ADAM12: variants seen among roughly 807,000 people sequenced by gnomAD.
The protein encoded by ADAM12 is disintegrin and metalloproteinase domain-containing protein 12.
In ADAM12, 70 loss-of-function variants were observed where a neutral mutation model predicts 106.4. That is an observed-to-expected ratio of 0.66 (90% CI 0.54 to 0.80). The LOEUF (loss-of-function observed/expected upper bound fraction) is 0.80. ADAM12 is among the 30% of genes least tolerant of loss of function. ADAM12 has a pLI of 0.00. For synonymous variants in ADAM12, 420 were observed against 433.5 expected (o/e 0.97, Z 0.39); for missense variants, 1,010 against 1,171.9 (o/e 0.86, Z 2.02).
At chr10:126,017,800 C>T (rs74731210) in intron 22 of ADAM12, among the ~76,000 whole-genome samples, 6,470 of 152,244 alleles carry the variant, frequency 0.042, 337 homozygotes, top group African/African-American at 0.12. Context: ...CTCCAGAGAA[C>T]AGGGAGCAAA....
At chr10:126,202,012 G>C (rs1345035615) in intron 3 of ADAM12, among the ~76,000 whole-genome samples, 3 of 152,212 alleles carry the variant, frequency 2.0e-5, no homozygotes, top group Admixed American at 6.5e-5. Context: ...CCAGTGGAAA[G>C]GCTCTGGGGC....
At chr10:126,367,741 G>C (rs1855961851) in intron 1 of ADAM12, among the ~76,000 whole-genome samples, 1 of 151,906 alleles carries the variant, frequency 6.6e-6, no homozygotes, top group African/African-American at 2.4e-5. Flanking sequence ...TAAGTGATAA[G>C]AAAATATTAT....
intron 1 of ADAM12, among the ~76,000 whole-genome samples, chr10:126,347,231 C>T (rs1057144160): frequency 5.3e-5 from 8 of 152,128 alleles, no homozygotes; most frequent in Non-Finnish European, 8.8e-5. Context: ...TGACAAAATC[C>T]CTCAGCATTT....
chr10:126,251,530 TGG>T (rs2133683259), intron 3 of ADAM12, among the ~76,000 whole-genome samples: 1 of 27,376 alleles, frequency 3.7e-5, no homozygotes, highest in South Asian at 1.6e-3. Flanking sequence ...ATGGACAGGA[TGG>T]ATAGATGGAT....
chr10:126,271,111 T>A (rs1156626461), intron 3 of ADAM12, among the ~76,000 whole-genome samples: 1 of 152,110 alleles, frequency 6.6e-6, no homozygotes, highest in Non-Finnish European at 1.5e-5. Context: ...TGAAACCCAA[T>A]ATTCAGCCCC....
chr10:126,292,813 A>G (rs1421751261), intron 2 of ADAM12, among the ~76,000 whole-genome samples: 2 of 152,242 alleles, frequency 1.3e-5, no homozygotes, highest in East Asian at 3.8e-4. Flanking sequence ...TTTATGTGTT[A>G]CGAAATATTC....
At chr10:126,349,698 T>C (rs372783754) in intron 1 of ADAM12, among the ~76,000 whole-genome samples, 7 of 152,194 alleles carry the variant, frequency 4.6e-5, no homozygotes, top group African/African-American at 1.4e-4. Context: ...AGGAAGCAAC[T>C]CCTATTTTGA....
rs552792418 is a variant in ADAM12, at chr10:126,072,250, C to T, written c.1146-596G>A. Among the ~76,000 whole-genome samples the T allele has an allele frequency of 1.2e-4, 18 of 152,168 alleles. No homozygotes were observed. In the East Asian group the frequency reaches 3.1e-3, roughly 26 times the overall value. On this transcript the variant is annotated intron_variant, in intron 11 of 22. Coordinates refer to ENST00000448723, the MANE Select transcript of ADAM12 (RefSeq NM_001288973.2). The stretch of plus-strand genomic sequence containing the variant: ...GTCTTACCCTTGTCTCTAAATTCCA[C>T]GGTGTGGCAGGGTCTAAACAACCGG...
At chr10:126,386,567 A>T (rs7082247) in intron 1 of ADAM12, among the ~76,000 whole-genome samples, 1,948 of 152,012 alleles carry the variant, frequency 0.013, 50 homozygotes, top group African/African-American at 0.045. Flanking sequence ...TTAAGGAAAC[A>T]CTCTCTCTAC....
rs551785138 is a variant in ADAM12 at position 126,082,383 on chromosome 10, T to A, written c.1146-10729A>T. Among the ~76,000 whole-genome samples the A allele has an allele frequency of 7.4e-3, 1,094 of 148,540 alleles. 16 individuals carry two copies. The highest frequency in any genetic ancestry group is 0.026 in the African/African-American group (1,022 of 39,888). On this transcript the variant is annotated intron_variant, in intron 11 of 22. Coordinates refer to ENST00000448723, the MANE Select transcript of ADAM12 (RefSeq NM_001288973.2). Reference sequence around the variant, plus strand: ...TGACTGTTTTTTTTTTTTTTTTTTTTTTTTATGTGGAGTTTCGCTCTGTAG... The same window carrying A: ...TGACTGTTTTTTTTTTTTTTTTTTTATTTTATGTGGAGTTTCGCTCTGTAG...
intron 2 of ADAM12, among the ~76,000 whole-genome samples, chr10:126,281,948 G>A (rs1959603672): frequency 6.6e-6 from 1 of 152,156 alleles, no homozygotes; most frequent in Non-Finnish European, 1.5e-5. Flanking sequence ...AAACACCAGG[G>A]CACCTACTAC....
At chr10:126,138,818 T>TC (rs138661395) in intron 4 of ADAM12, among the ~76,000 whole-genome samples, 1 of 52,206 alleles carries the variant, frequency 1.9e-5, no homozygotes, top group East Asian at 2.6e-4. Context: ...TACACATATC[T>TC]TTTTCTTTTT....
intron 2 of ADAM12, among the ~76,000 whole-genome samples, chr10:126,305,709 C>G (rs1457961069): frequency 6.6e-6 from 1 of 151,988 alleles, no homozygotes; most frequent in East Asian, 1.9e-4. Context: ...CTACAAATTT[C>G]TATGGTATAT....
chr10:126,059,236 C>CTTTT (rs1218277240), intron 14 of ADAM12, among the ~76,000 whole-genome samples: 1 of 152,220 alleles, frequency 6.6e-6, no homozygotes, highest in African/African-American at 2.4e-5. Flanking sequence ...TCTAATCTTA[C>CTTTT]TTAAAATGAC....
intron 2 of ADAM12, among the ~76,000 whole-genome samples, chr10:126,288,188 GCTGTACAAGGATCC>G (rs1460331975): frequency 6.6e-6 from 1 of 152,152 alleles, no homozygotes; most frequent in Non-Finnish European, 1.5e-5. Flanking sequence ...GACACAAGTG[GCTGTACAAGGATCC>G]CTGTACAAGG....
chr10:126,071,757 G>T (rs1329571695), intron 11 of ADAM12, 103 bp from the exon 12 acceptor site: 2 of 1,239,988 alleles, frequency 1.6e-6, no homozygotes, highest in Non-Finnish European at 2.3e-6. Context: ...ATCTGCCCAG[G>T]TGTTCACTGG....
intron 1 of ADAM12, among the ~76,000 whole-genome samples, chr10:126,331,851 C>G (rs373219081): frequency 4.1e-4 from 63 of 152,264 alleles, no homozygotes; most frequent in African/African-American, 1.4e-3. Flanking sequence ...GGTGCTGGCT[C>G]TGATGGTGAT....
intron 14 of ADAM12, among the ~76,000 whole-genome samples, chr10:126,061,927 G>T (rs758854252): frequency 6.6e-6 from 1 of 152,188 alleles, no homozygotes; most frequent in Admixed American, 6.5e-5. Flanking sequence ...CTGTAAACTG[G>T]AAACCAGGCG....
chr10:126,105,013 G>T (rs1297713634), intron 8 of ADAM12, among the ~76,000 whole-genome samples: 2 of 152,150 alleles, frequency 1.3e-5, no homozygotes, highest in South Asian at 4.1e-4. Context: ...CTCCCAGGGG[G>T]CCTGGGTATC....
Sources: gnomAD v4.1 joint callset for allele counts (sites outside exome capture counted in the v4.1 genomes callset) on GRCh38, gnomAD v4.1.1 for gene constraint, MANE v1.5 for transcripts, NCBI Gene and HGNC (gene_info 2026-07-23, HGNC 2026-07-21) for gene names.